The following CAPZB variants were observed in gnomAD, a reference collection of about 807,000 sequenced individuals.
CAPZB encodes capping actin protein of muscle Z-line subunit beta.
Under a neutral mutation model 38.1 loss-of-function variants are expected in CAPZB, and 2 were observed. The observed-to-expected ratio is 0.05, with a 90% CI of 0.02 to 0.17. The LOEUF is 0.17. Among genes scored for constraint, CAPZB ranks in the 10% least tolerant of loss-of-function variants. The pLI is 1.00. For synonymous variants in CAPZB, 107 were observed against 127.4 expected (o/e 0.84, Z 1.08); for missense variants, 161 against 334.2 (o/e 0.48, Z 4.04).
rs114375611 is a variant in CAPZB, at chr1:19,430,586, T to C, written c.4-10836A>G. On this transcript the variant is annotated intron_variant, in intron 1 of 8. Coordinates refer to ENST00000264202, the MANE Select transcript of CAPZB (RefSeq NM_004930.5). ...ATTTTAATTGGCAAAGCAGAGTCGC[T>C]GCCCAGCAAGGAAGAGTATGCAGGG... Among the ~76,000 whole-genome samples, 1,044 of 152,334 alleles carry C rather than the reference T, an allele frequency of 6.9e-3. 14 individuals carry two copies. The highest frequency in any genetic ancestry group is 0.024 in the African/African-American group (989 of 41,568).
At chr1:19,431,155 A>T (rs2094440506) in intron 1 of CAPZB, among the ~76,000 whole-genome samples, 1 of 152,206 alleles carries the variant, frequency 6.6e-6, no homozygotes, top group South Asian at 2.1e-4. Flanking sequence ...TTTAGTACAC[A>T]GTTTAGCGCT....
At chr1:19,371,307 G>A (rs957116152) in intron 4 of CAPZB, among the ~76,000 whole-genome samples, 5 of 152,138 alleles carry the variant, frequency 3.3e-5, no homozygotes, top group South Asian at 2.1e-4. Context: ...GATCATAAAC[G>A]CACAGAATGT....
chr1:19,345,808 A>G (rs2093957367), intron 6 of CAPZB, among the ~76,000 whole-genome samples: 2 of 152,266 alleles, frequency 1.3e-5, no homozygotes, highest in African/African-American at 4.8e-5. Flanking sequence ...CACCCTAGTC[A>G]TGCAGGTGGC....
At chr1:19,401,234 A>G (rs1033440802) in intron 2 of CAPZB, among the ~76,000 whole-genome samples, 1 of 152,126 alleles carries the variant, frequency 6.6e-6, no homozygotes, top group South Asian at 2.1e-4. Context: ...TCCCCCAAAC[A>G]AAAGTGAGGG....
intron 4 of CAPZB, among the ~76,000 whole-genome samples, chr1:19,377,898 A>G (rs2094151800): frequency 6.6e-6 from 1 of 152,188 alleles, no homozygotes. Flanking sequence ...GAGGCCACAA[A>G]CAACTCAGGA....
intron 6 of CAPZB, among the ~76,000 whole-genome samples, chr1:19,350,826 C>G (rs1171243636): frequency 2.0e-5 from 3 of 152,170 alleles, no homozygotes; most frequent in Non-Finnish European, 4.4e-5. Context: ...CTTTGTTGCC[C>G]AGGCTGGTCT....
chr1:19,339,431 T>C lies in CAPZB; in HGVS notation c.*99A>G. ...AATGATGCAGCTGTTATGTGACCTG[T>C]CGGGGAGGGAAGGGACGAGGGAAGG... On this transcript the variant is annotated 3_prime_UTR_variant, in exon 9 of 9. Coordinates refer to ENST00000264202, the MANE Select transcript of CAPZB (RefSeq NM_004930.5). The C allele has an allele frequency of 1.2e-6, 1 of 867,916 alleles. No individual in the cohort carries two copies. Among genetic ancestry groups the C allele is most frequent in the Non-Finnish European group, 2.0e-6 (1 of 504,666 alleles). 53.8% of individuals were successfully genotyped at this position (867,916 alleles called of 1,614,324 possible).
At position 19,485,441 on chromosome 1, in the gene CAPZB, TGGC is replaced by T. The variant is rs1025858391; in HGVS notation, c.-6_-4del. On this transcript the variant is annotated 5_prime_UTR_variant, in exon 1 of 9. Coordinates refer to ENST00000264202, the MANE Select transcript of CAPZB (RefSeq NM_004930.5). ...GGGGGCCGTGCGGCCTTTACCATGG[TGGC>T]GGCGGCGGCGGCGGTCCCGGTCCCG... is the stretch of plus-strand genomic sequence containing the variant. 28 of 1,226,368 alleles carry T rather than the reference TGGC, an allele frequency of 2.3e-5. No homozygotes were observed. The highest frequency in any genetic ancestry group is 3.2e-5 in the East Asian group (1 of 31,516). The allele number at this position is 1,226,368 out of a possible 1,614,324, so 76.0% of individuals were successfully genotyped here.
rs180722387 is a variant in CAPZB, at chr1:19,472,349, G to A, written c.3+13087C>T. On this transcript the variant is annotated intron_variant, in intron 1 of 8. Transcript: ENST00000264202. ...GGATCTCTTTCAACATCTCTGGGTGGCTCAAACCCTTGGGGCATGAACTAA... is the reference window on the plus strand; with the variant it reads ...GGATCTCTTTCAACATCTCTGGGTGACTCAAACCCTTGGGGCATGAACTAA... Among the ~76,000 whole-genome samples, 170 of 152,280 alleles carry A rather than the reference G, an allele frequency of 1.1e-3. 1 individual carries two copies. The highest frequency in any genetic ancestry group is 2.0e-3 in the Non-Finnish European group (133 of 68,026).
At chr1:19,344,597 C>A (rs1340095046) in intron 7 of CAPZB, among the ~76,000 whole-genome samples, 163 bp from the exon 8 acceptor site, 4 of 152,202 alleles carry the variant, frequency 2.6e-5, no homozygotes, top group African/African-American at 9.7e-5. Context: ...CAAGACCCCA[C>A]CTGCCATCTG....
intron 6 of CAPZB, among the ~76,000 whole-genome samples, chr1:19,352,733 C>CT (rs971756952): frequency 2.6e-4 from 40 of 152,388 alleles, no homozygotes; most frequent in African/African-American, 9.4e-4. Context: ...TGCCAGAATA[C>CT]TTTAGCTGTT....
At chr1:19,424,586 G>A (rs575950683) in intron 1 of CAPZB, 4 of 152,436 alleles carry the variant, frequency 2.6e-5, no homozygotes, top group Middle Eastern at 3.4e-3. Context: ...GGACAGAAAC[G>A]GAGCAGGTCA....
intron 1 of CAPZB, among the ~76,000 whole-genome samples, chr1:19,469,513 A>G (rs958817468): frequency 1.3e-5 from 2 of 152,132 alleles, no homozygotes; most frequent in Admixed American, 1.3e-4. Context: ...AGTCCTCTCA[A>G]CTTGGCCAGA....
chr1:19,361,539 G>A (rs765708663), intron 4 of CAPZB, among the ~76,000 whole-genome samples: 1 of 152,280 alleles, frequency 6.6e-6, no homozygotes, highest in Non-Finnish European at 1.5e-5. Flanking sequence ...GGAGGTGACT[G>A]CAGGGCGCAC....
intron 2 of CAPZB, among the ~76,000 whole-genome samples, chr1:19,411,654 C>T (rs1005533157): frequency 3.3e-5 from 5 of 152,174 alleles, no homozygotes; most frequent in African/African-American, 1.2e-4. Context: ...TTACAGAAGG[C>T]AATTAATCGC....
At chr1:19,349,664 G>C (rs1268362865) in intron 6 of CAPZB, among the ~76,000 whole-genome samples, 1 of 152,150 alleles carries the variant, frequency 6.6e-6, no homozygotes, top group Non-Finnish European at 1.5e-5. Context: ...GAGAGGGCTG[G>C]GTCTTGCAGT....
chr1:19,415,418 A>G (rs1017024494), intron 2 of CAPZB, among the ~76,000 whole-genome samples: 2 of 152,246 alleles, frequency 1.3e-5, no homozygotes, highest in African/African-American at 4.8e-5. Flanking sequence ...TTTGGGAAGA[A>G]ACTAAAACTG....
At chr1:19,416,558 A>C (rs1035175370) in intron 2 of CAPZB, among the ~76,000 whole-genome samples, 2 of 152,166 alleles carry the variant, frequency 1.3e-5, no homozygotes, top group East Asian at 3.8e-4. Flanking sequence ...TGTCCACCTC[A>C]ACCTCAGCCC....
intron 2 of CAPZB, among the ~76,000 whole-genome samples, chr1:19,401,069 C>G (rs775760906): frequency 6.6e-6 from 1 of 152,076 alleles, no homozygotes; most frequent in African/African-American, 2.4e-5. Flanking sequence ...AGCACGGACA[C>G]CAGGGGCATC....
Sources: allele counts gnomAD v4.1 joint callset (sites outside exome capture counted in the v4.1 genomes callset), GRCh38; gene constraint gnomAD v4.1.1; transcripts MANE v1.5; gene names NCBI Gene and HGNC (gene_info 2026-07-23, HGNC 2026-07-21).